The following INSYN2B variants were observed in gnomAD, a reference collection of about 807,000 sequenced individuals.
The protein encoded by INSYN2B is inhibitory synaptic factor family member 2B.
A neutral mutation model predicts 41.2 loss-of-function variants in INSYN2B; 16 were observed. That is an observed-to-expected ratio of 0.39 (90% CI 0.26 to 0.59). The LOEUF is 0.59. Among genes scored for constraint, INSYN2B ranks in the 20% least tolerant of loss-of-function variants. The probability of loss-of-function intolerance (pLI) is 0.57; values close to 1 mark genes in which losing one functional copy is unlikely to be tolerated. For missense variants in INSYN2B, 608 were observed against 646.4 expected (o/e 0.94, Z 0.64); for synonymous variants, 245 against 244.4 (o/e 1.00, Z -0.02).
intron 1 of INSYN2B, among the ~76,000 whole-genome samples, chr5:169,949,355 G>T (rs1175107770): frequency 2.0e-5 from 3 of 152,156 alleles, no homozygotes; most frequent in Non-Finnish European, 2.9e-5. Context: ...CCTCATGGAG[G>T]CCCATGAGAG....
intron 3 of INSYN2B, among the ~76,000 whole-genome samples, chr5:169,872,297 G>T (rs1772028848): frequency 6.6e-6 from 1 of 152,190 alleles, no homozygotes; most frequent in African/African-American, 2.4e-5. Context: ...CGTCCATTTG[G>T]ATAAATCATG....
At chr5:169,958,726 G>A (rs1776962753) in intron 1 of INSYN2B, among the ~76,000 whole-genome samples, 1 of 152,164 alleles carries the variant, frequency 6.6e-6, no homozygotes, top group South Asian at 2.1e-4. Context: ...AAAAGCTGGT[G>A]TGCAGCAATG....
Position 169,861,723 on chromosome 5 carries a change from C to T in INSYN2B, c.*2550G>A, listed in dbSNP as rs1046560785. 6.6e-5 allele frequency among the ~76,000 whole-genome samples: 10 copies of T among 152,074 alleles called. No homozygotes were observed. In the East Asian group the frequency reaches 1.2e-3, roughly 18 times the overall value. On this transcript the variant is annotated 3_prime_UTR_variant, in exon 4 of 4. Transcript: ENST00000377365. ...GTGTGTGGTGTTTTAAACATAGAGA[C>T]GACCATTTTTGTTCATCAGGAAAAT...
At position 169,864,116 on chromosome 5, in the gene INSYN2B, A is replaced by G; in HGVS notation, c.*157T>C. 3 of 667,308 alleles carry G rather than the reference A, an allele frequency of 4.5e-6. No individual in the cohort carries two copies. The highest frequency in any genetic ancestry group is 3.8e-5 in the South Asian group (2 of 52,064). 41.3% of individuals were successfully genotyped at this position (667,308 alleles called of 1,614,324 possible). ...TAAGGATCGTGGTCAGGTGTCCAGCAGCGGCTACATCAGCTCCAAGGCTCT... is the reference window on the plus strand; with the variant it reads ...TAAGGATCGTGGTCAGGTGTCCAGCGGCGGCTACATCAGCTCCAAGGCTCT... On this transcript the variant is annotated 3_prime_UTR_variant, in exon 4 of 4. Coordinates refer to ENST00000377365, the MANE Select transcript of INSYN2B (RefSeq NM_001129891.3).
rs778022023 is a variant in INSYN2B, at chr5:169,863,544, G to A, written c.*729C>T. On this transcript the variant is annotated 3_prime_UTR_variant, in exon 4 of 4. Transcript: ENST00000377365. The stretch of plus-strand genomic sequence containing the variant: ...GCATGATGGTTTAGGGTGGGCCCTG[G>A]AACAGCTACAGCTGCTGAAATCCTC... 1.3e-5 allele frequency among the ~76,000 whole-genome samples: 2 copies of A among 152,194 alleles called. No homozygotes were observed. The highest frequency in any genetic ancestry group is 2.9e-5 in the Non-Finnish European group (2 of 68,042).
chr5:169,977,356 G>A (rs574682899), intron 1 of INSYN2B, among the ~76,000 whole-genome samples: 5 of 152,284 alleles, frequency 3.3e-5, no homozygotes, highest in Admixed American at 1.3e-4. Flanking sequence ...CCTCTGTCCA[G>A]GTCAGGAATT....
chr5:169,979,369 C>G (rs77558445), intron 1 of INSYN2B, among the ~76,000 whole-genome samples: 1 of 152,150 alleles, frequency 6.6e-6, no homozygotes, highest in Non-Finnish European at 1.5e-5. Flanking sequence ...CAAACTTGTA[C>G]AGAGGGGCAG....
At chr5:169,895,823 G>A (rs142146537) in intron 1 of INSYN2B, among the ~76,000 whole-genome samples, 1 of 152,178 alleles carries the variant, frequency 6.6e-6, no homozygotes. Flanking sequence ...AATGAAAGGA[G>A]CATTTGGCTC....
At chr5:169,887,985 G>C (rs1773069297) in intron 1 of INSYN2B, among the ~76,000 whole-genome samples, 1 of 152,214 alleles carries the variant, frequency 6.6e-6, no homozygotes, top group African/African-American at 2.4e-5. Context: ...ATTTATATGA[G>C]TGGACATTTT....
chr5:169,957,225 G>A (rs990662610), intron 1 of INSYN2B, among the ~76,000 whole-genome samples: 9 of 152,322 alleles, frequency 5.9e-5, no homozygotes, highest in African/African-American at 1.7e-4. Flanking sequence ...TAATTAAAAT[G>A]GACACATCAA....
Position 169,882,783 on chromosome 5 carries a change from A to G in INSYN2B, c.1116T>C (p.Asn372=). The G allele has an allele frequency of 6.4e-7, 1 of 1,551,560 alleles. No homozygotes were observed. Among genetic ancestry groups the G allele is most frequent in the Non-Finnish European group, 8.7e-7 (1 of 1,146,906 alleles). ...PTESDTLEFP[N]CPGSNHLPSS... is the part of the protein sequence containing the mutation. ...ATGGGAGATGATTACTTCCTGGACA[A>G]TTTGGAAACTCCAGTGTGTCTGACT... Residue 372 remains asparagine, a synonymous_variant, in exon 2 of 4, where the codon AAT becomes AAC. Coordinates refer to ENST00000377365, the MANE Select transcript of INSYN2B (RefSeq NM_001129891.3).
intron 1 of INSYN2B, among the ~76,000 whole-genome samples, chr5:169,892,222 A>G (rs1169836021): frequency 1.3e-5 from 2 of 152,038 alleles, no homozygotes; most frequent in African/African-American, 2.4e-5. Context: ...CTCAAAGCAA[A>G]CCTAAAAACC....
At chr5:169,878,639 G>T (rs1433938668) in intron 3 of INSYN2B, among the ~76,000 whole-genome samples, 1 of 152,184 alleles carries the variant, frequency 6.6e-6, no homozygotes, top group Non-Finnish European at 1.5e-5. Context: ...TGGAAGGATT[G>T]AAATAAATTT....
intron 1 of INSYN2B, among the ~76,000 whole-genome samples, chr5:169,938,861 T>G (rs537384663): frequency 1.3e-5 from 2 of 152,352 alleles, no homozygotes; most frequent in African/African-American, 2.4e-5. Context: ...AATATTTTCT[T>G]TCTTCATATC....
chr5:169,865,964 T>C (rs964375256), intron 3 of INSYN2B, among the ~76,000 whole-genome samples: 3 of 152,194 alleles, frequency 2.0e-5, no homozygotes, highest in African/African-American at 7.2e-5. Flanking sequence ...GCATGACGAA[T>C]GGAGCCCCAA....
chr5:169,929,080 T>C (rs1775617565), intron 1 of INSYN2B, among the ~76,000 whole-genome samples: 1 of 152,142 alleles, frequency 6.6e-6, no homozygotes, highest in Non-Finnish European at 1.5e-5. Flanking sequence ...GCTGGCCAGG[T>C]AGACTGAAGT....
intron 1 of INSYN2B, among the ~76,000 whole-genome samples, chr5:169,928,471 G>A (rs755123158): frequency 2.6e-5 from 4 of 152,174 alleles, no homozygotes; most frequent in Non-Finnish European, 4.4e-5. Flanking sequence ...CAGCCTCCTC[G>A]CTTCCCCATG....
At chr5:169,950,389 A>G (rs1229627864) in intron 1 of INSYN2B, among the ~76,000 whole-genome samples, 2 of 152,234 alleles carry the variant, frequency 1.3e-5, no homozygotes, top group South Asian at 2.1e-4. Flanking sequence ...AAACAGTAGT[A>G]TTATCTCAGC....
At chr5:169,943,716 G>A (rs1776332177) in intron 1 of INSYN2B, among the ~76,000 whole-genome samples, 1 of 152,104 alleles carries the variant, frequency 6.6e-6, no homozygotes, top group Non-Finnish European at 1.5e-5. Context: ...CATCACCTGG[G>A]AGCTTGTTAG....
Sources: gnomAD v4.1 joint callset for allele counts (sites outside exome capture counted in the v4.1 genomes callset) on GRCh38, gnomAD v4.1.1 for gene constraint, MANE v1.5 for transcripts, NCBI Gene and HGNC (gene_info 2026-07-23, HGNC 2026-07-21) for gene names.